Variants in NUP155 observed in about 807,000 individuals in gnomAD.
NUP155 encodes nuclear pore complex protein Nup155.
In NUP155, 71 loss-of-function variants were observed where a neutral mutation model predicts 180.4. That is an observed-to-expected ratio of 0.39 (90% CI 0.33 to 0.48). The LOEUF (loss-of-function observed/expected upper bound fraction) is 0.48. Ranked by LOEUF, NUP155 falls within the 20% of genes least tolerant of loss-of-function variation. The probability of loss-of-function intolerance (pLI) is 0.91; values close to 1 mark genes in which losing one functional copy is unlikely to be tolerated. For missense variants in NUP155, 1,553 were observed against 1,648.9 expected, an observed-to-expected ratio of 0.94 and a Z score of 1.01; for synonymous variants, 582 against 559.5, an observed-to-expected ratio of 1.04 and a Z score of -0.57.
At chr5:37,329,105 G>T in intron 16 of NUP155, 85 bp downstream of exon 16, 1 of 928,496 alleles carries the variant, frequency 1.1e-6, no homozygotes, top group Non-Finnish European at 1.8e-6. Flanking sequence ...AAAACATAAT[G>T]AAAAGGCTTA....
In NUP155 at chr5:37,364,468, G is replaced by A. The variant is rs1445821143; in HGVS notation, c.158-84C>T. The stretch of plus-strand genomic sequence containing the variant: ...AAGGATTGAGTGCCACAAAAAAATT[G>A]TTGTGTGTTGGTTCCAAAGGTACAG... On this transcript the variant is annotated intron_variant, in intron 1 of 34. Transcript: ENST00000231498. 3 of 1,202,318 alleles carry A rather than the reference G, an allele frequency of 2.5e-6. No individual in the cohort carries two copies. The East Asian group carries it at 7.3e-5, about 29-fold the overall frequency. The allele number at this position is 1,202,318 out of a possible 1,614,324, so 74.5% of individuals were successfully genotyped here.
chr5:37,302,143 T>A (rs1163142142), intron 29 of NUP155, among the ~76,000 whole-genome samples: 5 of 152,230 alleles, frequency 3.3e-5, no homozygotes, highest in African/African-American at 4.8e-5. Context: ...CCTACTCTAC[T>A]TCATACATCT....
intron 14 of NUP155, among the ~76,000 whole-genome samples, chr5:37,330,520 A>T (rs1744887516): frequency 6.6e-6 from 1 of 152,168 alleles, no homozygotes; most frequent in Non-Finnish European, 1.5e-5. Context: ...ATCCTATTAT[A>T]ATGTATAAGG....
chr5:37,360,788 G>A (rs1022721319), intron 3 of NUP155, among the ~76,000 whole-genome samples: 1 of 141,350 alleles, frequency 7.1e-6, no homozygotes, highest in Non-Finnish European at 1.6e-5. Flanking sequence ...AAAAAAAAAG[G>A]GGGGGGGGTC....
chr5:37,324,199 A>G (rs905281132), intron 19 of NUP155, 92 bp from the exon 20 acceptor site: 18 of 790,342 alleles, frequency 2.3e-5, no homozygotes, highest in East Asian at 2.7e-5. Flanking sequence ...GAGTATCTCT[A>G]TAGTTATTTC....
At position 37,321,291 on chromosome 5, in the gene NUP155, A is replaced by G. The variant is rs1335974515; in HGVS notation, c.2207+2701T>C. 3.9e-5 allele frequency among the ~76,000 whole-genome samples: 6 copies of G among 152,318 alleles called. 1 individual carries two copies. The highest frequency in any genetic ancestry group is 3.3e-4 in the Admixed American group (5 of 15,300). On this transcript the variant is annotated intron_variant, in intron 20 of 34. Transcript: ENST00000231498. ...AGCCAGGGAGTTGGAGGTTGCAGTG[A>G]GCTGAGATTGCACCACTGCATTGCA...
At chr5:37,304,153 A>G (rs1271992466) in intron 27 of NUP155, among the ~76,000 whole-genome samples, 3 of 150,016 alleles carry the variant, frequency 2.0e-5, no homozygotes, top group African/African-American at 7.3e-5. Context: ...GGGAGGCTGA[A>G]GCAGGAGGAT....
intron 4 of NUP155, among the ~76,000 whole-genome samples, chr5:37,356,239 A>AT (rs950523678): frequency 6.6e-6 from 1 of 151,860 alleles, no homozygotes; most frequent in Non-Finnish European, 1.5e-5. Flanking sequence ...CAAAAAAAAA[A>AT]AAAAAAAATA....
At chr5:37,303,198 G>T (rs1742959849) in intron 28 of NUP155, 62 bp downstream of exon 28, 2 of 1,568,884 alleles carry the variant, frequency 1.3e-6, no homozygotes, top group Non-Finnish European at 1.7e-6. Context: ...AAAGAAAACT[G>T]AATGTAAGTA....
intron 13 of NUP155, among the ~76,000 whole-genome samples, chr5:37,332,313 CTTTTTTT>C (rs1021002313): frequency 1.1e-5 from 1 of 87,724 alleles, no homozygotes; most frequent in Non-Finnish European, 2.1e-5. Context: ...GCCATTACAG[CTTTTTTT>C]TTTTTTTTTT....
chr5:37,297,662 G>A (rs2150938761), intron 32 of NUP155, among the ~76,000 whole-genome samples: 1 of 152,102 alleles, frequency 6.6e-6, no homozygotes. Flanking sequence ...TTACACCTGT[G>A]AGCCACCATG....
At chr5:37,355,132 A>G (rs866263105) in intron 4 of NUP155, among the ~76,000 whole-genome samples, 4 of 152,168 alleles carry the variant, frequency 2.6e-5, no homozygotes, top group South Asian at 2.1e-4. Context: ...CTGAGTATCT[A>G]TAATTGCAAA....
At chr5:37,302,749 T>G in intron 29 of NUP155, 30 bp downstream of exon 29, 2 of 1,612,730 alleles carry the variant, frequency 1.2e-6, no homozygotes, top group East Asian at 2.2e-5. Context: ...GTACTCAATG[T>G]GGACACAGCT....
chr5:37,309,790 C>T (rs6859447), intron 23 of NUP155, among the ~76,000 whole-genome samples: 7,016 of 152,122 alleles, frequency 0.046, 558 homozygotes, highest in African/African-American at 0.16. Flanking sequence ...CGCAGAGGCT[C>T]ATGTCTATAA....
At chr5:37,340,408 G>A (rs900124368) in intron 11 of NUP155, among the ~76,000 whole-genome samples, 1 of 151,454 alleles carries the variant, frequency 6.6e-6, no homozygotes, top group Non-Finnish European at 1.5e-5. Flanking sequence ...TTGTGCTACT[G>A]CACTCCAGCC....
intron 12 of NUP155, among the ~76,000 whole-genome samples, chr5:37,337,448 G>A (rs1188065634): frequency 6.6e-6 from 1 of 151,662 alleles, no homozygotes; most frequent in African/African-American, 2.4e-5. Flanking sequence ...TGTAATAGAT[G>A]GCCTCATATT....
intron 10 of NUP155, 183 bp downstream of exon 10, chr5:37,342,366 A>G: frequency 3.6e-6 from 2 of 548,116 alleles, no homozygotes; most frequent in Non-Finnish European, 6.6e-6. Context: ...TTTTATATCT[A>G]TAAAATGAAG....
intron 20 of NUP155, among the ~76,000 whole-genome samples, chr5:37,323,619 T>C (rs1320542678): frequency 6.7e-6 from 1 of 149,864 alleles, no homozygotes; most frequent in African/African-American, 2.4e-5. Context: ...TATATTTCTA[T>C]AAACATTCCA....
chr5:37,371,030 CAAG>C lies in NUP155; in HGVS notation c.-56_-54del. The C allele has an allele frequency of 6.3e-7, 1 of 1,589,728 alleles. No individual in the cohort carries two copies. On this transcript the variant is annotated 5_prime_UTR_variant, in exon 1 of 35. Transcript: ENST00000231498. The stretch of plus-strand genomic sequence containing the variant: ...GAAAAAGTCAAAAACCAAGGAGAAA[CAAG>C]AAAAGATCCAAGAAGTTAGCTTAGA...
Sources: gnomAD v4.1 joint callset for allele counts (sites outside exome capture counted in the v4.1 genomes callset) on GRCh38, gnomAD v4.1.1 for gene constraint, MANE v1.5 for transcripts, NCBI Gene and HGNC (gene_info 2026-07-23, HGNC 2026-07-21) for gene names.